CLIP2: variants seen among roughly 807,000 people sequenced by gnomAD.
The protein encoded by CLIP2 is CAP-Gly domain containing linker protein 2, also known as CAP-Gly domain-containing linker protein 2.
In CLIP2, 41 loss-of-function variants were observed where a neutral mutation model predicts 111.7. The ratio of observed to expected loss-of-function variants is 0.37; its 90% CI spans 0.29 to 0.48. The LOEUF (loss-of-function observed/expected upper bound fraction) is 0.48, where lower values mean the gene tolerates loss of function less well. CLIP2 is among the 20% of genes least tolerant of loss of function. The pLI, the probability that CLIP2 is intolerant of heterozygous loss-of-function variation, is 0.99. For synonymous variants in CLIP2, 660 were observed against 644.2 expected, an observed-to-expected ratio of 1.02 and a Z score of -0.37; for missense variants, 1,160 against 1,422.1, an observed-to-expected ratio of 0.82 and a Z score of 2.96.
At chr7:74,385,873 G>A (rs1189640038) in intron 11 of CLIP2, among the ~76,000 whole-genome samples, 1 of 151,012 alleles carries the variant, frequency 6.6e-6, no homozygotes, top group East Asian at 1.9e-4. Flanking sequence ...CTCCCAAGTA[G>A]CTGGAATTAC....
Position 74,376,150 on chromosome 7 carries a change from G to T in CLIP2, c.1749G>T (p.Ala583=), listed in dbSNP as rs144514293. 1.2e-6 allele frequency: 2 copies of T among 1,609,822 alleles called. No individual in the cohort carries two copies. The highest frequency in any genetic ancestry group is 1.1e-5 in the South Asian group (1 of 90,678). Reference sequence around the variant, plus strand: ...AGGCGGAGGTGGACAAGCTCCGCGCGGCCAACGAGAAGTACGCACAGGAGG... The same window carrying T: ...AGGCGGAGGTGGACAAGCTCCGCGCTGCCAACGAGAAGTACGCACAGGAGG... ...AYQAEVDKLR[A]ANEKYAQEVA... is the part of the protein sequence containing the mutation. The change falls in exon 10 of 17, where the codon GCG becomes GCT. Residue 583 remains alanine, a synonymous_variant. Transcript: ENST00000223398. This position sits in a 1 kb window ranked among gnomAD's most constrained non-coding sequence, Gnocchi z 7.1.
intron 10 of CLIP2, among the ~76,000 whole-genome samples, chr7:74,379,211 C>T (rs1395154214): frequency 2.0e-5 from 3 of 152,106 alleles, no homozygotes; most frequent in Non-Finnish European, 4.4e-5. Flanking sequence ...CACCTGTAAT[C>T]CCAGCTACTC....
chr7:74,404,118 GGA>G lies in CLIP2; in HGVS notation c.*272_*273del, dbSNP rs1791700734. On this transcript the variant is annotated 3_prime_UTR_variant, in exon 17 of 17. Transcript: ENST00000223398. ...TCAGCCTGGACACCCGGCAGCTTCT[GGA>G]GTTTGTCAGTGGAGGCAGAGGGGAT... The G allele has an allele frequency of 2.1e-6, 1 of 481,646 alleles. No individual in the cohort carries two copies. The highest frequency in any genetic ancestry group is 3.3e-5 in the Admixed American group (1 of 30,714). 29.8% of individuals were successfully genotyped at this position (481,646 alleles called of 1,614,324 possible). A position where few individuals can be genotyped will look rare whatever the true frequency, so the allele number is the denominator to read the frequency against.
chr7:74,337,219 G>T (rs1227004449), intron 2 of CLIP2, among the ~76,000 whole-genome samples: 1 of 152,068 alleles, frequency 6.6e-6, no homozygotes, highest in Non-Finnish European at 1.5e-5. Context: ...TGTGGACCCT[G>T]AGGCCTTAGG....
At chr7:74,374,212 C>T (rs1310088005) in intron 9 of CLIP2, among the ~76,000 whole-genome samples, 1 of 152,218 alleles carries the variant, frequency 6.6e-6, no homozygotes, top group Non-Finnish European at 1.5e-5. Context: ...ATGTTGGTCT[C>T]CGTGCACAAG....
chr7:74,370,269 C>T (rs1183692827), intron 8 of CLIP2, among the ~76,000 whole-genome samples: 4 of 151,112 alleles, frequency 2.6e-5, no homozygotes, highest in Non-Finnish European at 5.9e-5. Flanking sequence ...ATCCTGGCTA[C>T]CATGGTGAAA....
At chr7:74,342,011 G>A (rs1380409318) in intron 3 of CLIP2, among the ~76,000 whole-genome samples, 2 of 152,168 alleles carry the variant, frequency 1.3e-5, no homozygotes, top group Non-Finnish European at 2.9e-5. Context: ...GGAATGGCCT[G>A]GCATTGGCCT....
In CLIP2 at chr7:74,297,645, G is replaced by T. The variant is rs545277304; in HGVS notation, c.-68+7911G>T. Among the ~76,000 whole-genome samples, 5 of 152,072 alleles carry T rather than the reference G, an allele frequency of 3.3e-5. No homozygotes were observed. The East Asian group carries it at 9.7e-4, about 29-fold the overall frequency. On this transcript the variant is annotated intron_variant, in intron 1 of 16. Transcript: ENST00000223398. ...ACACTCCATGCCTTGCGTGCTTAGG[G>T]GACCAGCCTTTCCAGCACGACCTGT...
intron 4 of CLIP2, among the ~76,000 whole-genome samples, chr7:74,354,606 C>T (rs1457334292): frequency 6.6e-6 from 1 of 151,844 alleles, no homozygotes; most frequent in Non-Finnish European, 1.5e-5. Context: ...CAGAGTGAGA[C>T]TCTGTCTCAA....
chr7:74,306,135 C>T (rs1190347395), intron 1 of CLIP2, among the ~76,000 whole-genome samples: 4 of 152,132 alleles, frequency 2.6e-5, no homozygotes, highest in African/African-American at 7.2e-5. Context: ...CCCTCTGCCC[C>T]GCAGGTGCTG....
intron 7 of CLIP2, among the ~76,000 whole-genome samples, chr7:74,363,823 G>A (rs1261674815): frequency 2.7e-5 from 4 of 149,930 alleles, no homozygotes; most frequent in African/African-American, 9.8e-5. Context: ...TTGAACCGTG[G>A]AGGCAGAGGC....
At chr7:74,324,418 C>T (rs1789057109) in intron 2 of CLIP2, among the ~76,000 whole-genome samples, 1 of 152,182 alleles carries the variant, frequency 6.6e-6, no homozygotes, top group Admixed American at 6.5e-5. Flanking sequence ...CTGGAGGGAA[C>T]GGACTGTAGT....
chr7:74,402,329 CAAAAAAAAAAAAAACCAA>C (rs1280600698), intron 16 of CLIP2, among the ~76,000 whole-genome samples: 1 of 43,184 alleles, frequency 2.3e-5, no homozygotes, highest in Non-Finnish European at 4.9e-5. Context: ...GACTCCATCT[CAAAAAAAAAAAAAACCAA>C]AAAAAAAAAA....
Position 74,338,668 on chromosome 7 carries a change from C to G in CLIP2, c.342C>G (p.Asp114Glu). Residue 114 changes from aspartate to glutamate, a missense_variant, in exon 3 of 17, where the codon GAC becomes GAG. Asp to Glu is a conservative substitution (Grantham distance 45, BLOSUM62 2). Coordinates refer to ENST00000223398, the MANE Select transcript of CLIP2 (RefSeq NM_003388.5). This position sits in a 1 kb window ranked among gnomAD's most constrained non-coding sequence, Gnocchi z 4.3. ...APGQWAGVVLDDPVGKNDGAV... is the reference protein window; with the variant it reads ...APGQWAGVVLEDPVGKNDGAV... ...GCCAGTGGGCTGGCGTGGTGCTGGA[C>G]GACCCGGTGGGCAAGAATGATGGCG... The G allele has an allele frequency of 6.3e-7, 1 of 1,576,094 alleles. No individual in the cohort carries two copies. Among genetic ancestry groups the G allele is most frequent in the Non-Finnish European group, 8.6e-7 (1 of 1,164,140 alleles).
chr7:74,324,886 C>G (rs1213128067), intron 2 of CLIP2, among the ~76,000 whole-genome samples: 2 of 152,132 alleles, frequency 1.3e-5, no homozygotes, highest in Non-Finnish European at 2.9e-5. Context: ...GGACGGTCCC[C>G]CCAGTCCTGT....
At chr7:74,351,561 C>T (rs1344082188) in intron 3 of CLIP2, among the ~76,000 whole-genome samples, 1 of 151,672 alleles carries the variant, frequency 6.6e-6, no homozygotes, top group Admixed American at 6.6e-5. Flanking sequence ...ACCAGCCAGA[C>T]GTGGTGGCTC....
chr7:74,376,859 G>A lies in CLIP2; in HGVS notation c.2421+37G>A, dbSNP rs782478340. ...CCCCTCCTGCTGGGGCGGGAGGGTCGGGCTGGGGAGGGCTTGGCCTTTTGC... is the reference window on the plus strand; with the variant it reads ...CCCCTCCTGCTGGGGCGGGAGGGTCAGGCTGGGGAGGGCTTGGCCTTTTGC... On this transcript the variant is annotated intron_variant, in intron 10 of 16. Transcript: ENST00000223398. This position sits in a 1 kb window ranked among gnomAD's most constrained non-coding sequence, Gnocchi z 7.1. The A allele has an allele frequency of 2.7e-6, 4 of 1,485,448 alleles. No individual in the cohort carries two copies. Among genetic ancestry groups the A allele is most frequent in the African/African-American group, 2.8e-5 (2 of 71,244 alleles). 92.0% of individuals were successfully genotyped at this position (1,485,448 alleles called of 1,614,324 possible). A position where few individuals can be genotyped will look rare whatever the true frequency, so the allele number is the denominator to read the frequency against.
intron 1 of CLIP2, among the ~76,000 whole-genome samples, chr7:74,294,892 G>A (rs1788127037): frequency 6.6e-6 from 1 of 152,220 alleles, no homozygotes; most frequent in African/African-American, 2.4e-5. Flanking sequence ...TATGCAGGGA[G>A]GCTGGGCTCT....
chr7:74,294,824 C>T (rs982643206), intron 1 of CLIP2, among the ~76,000 whole-genome samples: 18 of 152,192 alleles, frequency 1.2e-4, no homozygotes, highest in African/African-American at 4.3e-4. Flanking sequence ...CAAGGCCAGA[C>T]ACTTTGATGC....
Sources: allele counts gnomAD v4.1 joint callset (sites outside exome capture counted in the v4.1 genomes callset), GRCh38; gene constraint gnomAD v4.1.1; non-coding constraint Gnocchi (gnomAD v3.1); transcripts MANE v1.5; gene names NCBI Gene and HGNC (gene_info 2026-07-23, HGNC 2026-07-21).